ALK: variants seen among roughly 807,000 people sequenced by gnomAD.
The protein encoded by ALK is ALK receptor tyrosine kinase.
Under a neutral mutation model 163.1 loss-of-function variants are expected in ALK, and 74 were observed. That is an observed-to-expected ratio of 0.45 (90% CI 0.38 to 0.55). ALK has a LOEUF of 0.55. Among genes scored for constraint, ALK ranks in the 20% least tolerant of loss-of-function variants. The probability of loss-of-function intolerance (pLI) is 0.00; values close to 1 mark genes in which losing one functional copy is unlikely to be tolerated. For missense variants in ALK, 2,063 were observed against 2,105.3 expected (o/e 0.98, Z 0.39); for synonymous variants, 960 against 843.2 (o/e 1.14, Z -2.40).
At chr2:29,374,844 A>G (rs1271106202) in intron 5 of ALK, among the ~76,000 whole-genome samples, 6 of 152,162 alleles carry the variant, frequency 3.9e-5, no homozygotes, top group Non-Finnish European at 2.9e-5. Flanking sequence ...GCGTTTTTAA[A>G]ATGGAGTTGA....
In ALK at chr2:29,246,964, C is replaced by A. The variant is rs1250390610; in HGVS notation, c.2204+4141G>T. ...CTCGGCTCCCCGAGGCCAGCCTTGC[C>A]CGACTTCTCATCGGCAGTACCGACT... On this transcript the variant is annotated intron_variant, in intron 12 of 28. Transcript: ENST00000389048. The surrounding 1 kb of genome is among the most constrained non-coding windows in gnomAD (Gnocchi z 4.3). Among the ~76,000 whole-genome samples, 1 of 152,204 alleles carries A rather than the reference C, an allele frequency of 6.6e-6. No individual in the cohort carries two copies. Among genetic ancestry groups the A allele is most frequent in the Non-Finnish European group, 1.5e-5 (1 of 68,042 alleles).
intron 1 of ALK, among the ~76,000 whole-genome samples, chr2:29,788,659 T>A (rs1427882629): frequency 6.6e-6 from 1 of 152,164 alleles, no homozygotes; most frequent in Admixed American, 6.5e-5. Flanking sequence ...TAAGACTAAC[T>A]GACTGTCATA....
intron 1 of ALK, among the ~76,000 whole-genome samples, chr2:29,846,683 C>G (rs1307603808): frequency 6.6e-6 from 1 of 152,204 alleles, no homozygotes; most frequent in South Asian, 2.1e-4. Context: ...CCATCCTCCT[C>G]CAGAGATTGT....
In ALK at chr2:29,728,787, G is replaced by A. The variant is rs1038067663; in HGVS notation, c.668-11090C>T. On this transcript the variant is annotated intron_variant, in intron 1 of 28. Coordinates refer to ENST00000389048, the MANE Select transcript of ALK (RefSeq NM_004304.5). ...CCACCAAGAAAAGTGAGGCATTATA[G>A]AGGAACCTTGATGGATGGCCCAATC... is the stretch of plus-strand genomic sequence containing the variant. 1.4e-4 allele frequency among the ~76,000 whole-genome samples: 22 copies of A among 152,152 alleles called. 1 individual carries two copies. The highest frequency in any genetic ancestry group is 3.9e-4 in the Admixed American group (6 of 15,278).
chr2:29,400,483 C>A (rs948184807), intron 4 of ALK, among the ~76,000 whole-genome samples: 5 of 152,126 alleles, frequency 3.3e-5, no homozygotes, highest in Non-Finnish European at 7.4e-5. Flanking sequence ...GGCTGCTGAC[C>A]GAGGTCCCAG....
intron 26 of ALK, among the ~76,000 whole-genome samples, chr2:29,204,809 G>A (rs566632101): frequency 9.2e-5 from 14 of 152,242 alleles, no homozygotes; most frequent in African/African-American, 3.1e-4. Context: ...GGCTAGTCTC[G>A]AACTTCTGAC....
chr2:29,898,091 G>A (rs538440301), intron 1 of ALK, among the ~76,000 whole-genome samples: 36 of 152,328 alleles, frequency 2.4e-4, no homozygotes, highest in African/African-American at 7.9e-4. Flanking sequence ...AAGAAAGAGG[G>A]AGGGTGAAGA....
At chr2:29,375,493 T>A (rs1414084579) in intron 5 of ALK, among the ~76,000 whole-genome samples, 1 of 152,044 alleles carries the variant, frequency 6.6e-6, no homozygotes, top group Non-Finnish European at 1.5e-5. Flanking sequence ...TAATTCTTTG[T>A]ATTTCAGTAG....
intron 1 of ALK, among the ~76,000 whole-genome samples, chr2:29,838,769 T>C (rs1402249044): frequency 6.6e-6 from 1 of 152,124 alleles, no homozygotes; most frequent in Admixed American, 6.6e-5. Context: ...GTAGAGGAGA[T>C]TACTGGCAAG....
chr2:29,282,259 A>G (rs1282030840), intron 9 of ALK, among the ~76,000 whole-genome samples: 1 of 152,230 alleles, frequency 6.6e-6, no homozygotes, highest in Non-Finnish European at 1.5e-5. Context: ...TTGCTCTGCA[A>G]AAGTCTTCTA....
At chr2:29,600,526 C>T (rs971300411) in intron 3 of ALK, among the ~76,000 whole-genome samples, 1 of 152,142 alleles carries the variant, frequency 6.6e-6, no homozygotes, top group Non-Finnish European at 1.5e-5. Context: ...AGAAGTAGCT[C>T]CTGGCATTGG....
chr2:29,306,094 T>C (rs1666501540), intron 8 of ALK, among the ~76,000 whole-genome samples: 1 of 152,156 alleles, frequency 6.6e-6, no homozygotes, highest in South Asian at 2.1e-4. Context: ...GTCGGTGGCC[T>C]GGGGGTTGGG....
chr2:29,616,773 A>G (rs1403408267), intron 3 of ALK, among the ~76,000 whole-genome samples: 2 of 152,200 alleles, frequency 1.3e-5, no homozygotes, highest in Non-Finnish European at 2.9e-5. Flanking sequence ...CCTGATAAGC[A>G]TCTGTAGCCC....
intron 3 of ALK, among the ~76,000 whole-genome samples, chr2:29,558,546 C>A (rs1673927158): frequency 6.6e-6 from 1 of 152,084 alleles, no homozygotes; most frequent in Non-Finnish European, 1.5e-5. Flanking sequence ...GCACACACCC[C>A]TCCCTACCCT....
At chr2:29,891,871 G>T (rs964826900) in intron 1 of ALK, among the ~76,000 whole-genome samples, 7 of 152,186 alleles carry the variant, frequency 4.6e-5, no homozygotes, top group African/African-American at 1.7e-4. Context: ...GCTTCTCTCT[G>T]TACAATGCTA....
chr2:29,600,645 T>C (rs1474159086), intron 3 of ALK, among the ~76,000 whole-genome samples: 1 of 152,178 alleles, frequency 6.6e-6, no homozygotes, highest in Admixed American at 6.5e-5. Context: ...ACTGTTTGTG[T>C]ACAGTGTCGA....
intron 12 of ALK, among the ~76,000 whole-genome samples, chr2:29,244,285 T>C (rs1166838886): frequency 6.6e-6 from 1 of 152,232 alleles, no homozygotes; most frequent in Non-Finnish European, 1.5e-5. Context: ...GTTTCCTCAT[T>C]TGTGAAATCA....
chr2:29,583,272 GCATC>G (rs1330862076), intron 3 of ALK, among the ~76,000 whole-genome samples: 1 of 152,040 alleles, frequency 6.6e-6, no homozygotes, highest in Non-Finnish European at 1.5e-5. Flanking sequence ...ACTAAACATT[GCATC>G]ATGCTTTATA....
In ALK at chr2:29,662,635, A is replaced by G. The variant is rs78357109; in HGVS notation, c.952+32215T>C. ...TCCTTATGGTTATGCCAGCTCCTGC[A>G]GTTACAACAACCCTCTGGTAAGAAA... On this transcript the variant is annotated intron_variant, in intron 3 of 28. Transcript: ENST00000389048. Among the ~76,000 whole-genome samples the G allele has an allele frequency of 3.9e-3, 589 of 152,308 alleles. 2 individuals are homozygous for G. Among genetic ancestry groups the G allele is most frequent in the African/African-American group, 0.014 (564 of 41,574 alleles).
Sources: allele counts gnomAD v4.1 joint callset (sites outside exome capture counted in the v4.1 genomes callset), GRCh38; gene constraint gnomAD v4.1.1; non-coding constraint Gnocchi (gnomAD v3.1); transcripts MANE v1.5; gene names NCBI Gene and HGNC (gene_info 2026-07-23, HGNC 2026-07-21).